TTC7B: variants seen among roughly 807,000 people sequenced by gnomAD.
TTC7B encodes tetratricopeptide repeat domain 7B, also known as tetratricopeptide repeat protein 7B.
A neutral mutation model predicts 106.8 loss-of-function variants in TTC7B; 28 were observed. The ratio of observed to expected loss-of-function variants is 0.26; its 90% CI spans 0.19 to 0.36. The LOEUF is 0.36. Among genes scored for constraint, TTC7B ranks in the 10% least tolerant of loss-of-function variants. TTC7B has a pLI of 1.00. For missense variants in TTC7B, 862 were observed against 1,076.4 expected, an observed-to-expected ratio of 0.80 and a Z score of 2.79; for synonymous variants, 405 against 430.6, an observed-to-expected ratio of 0.94 and a Z score of 0.74.
chr14:90,790,110 A>T (rs899417723), intron 1 of TTC7B, among the ~76,000 whole-genome samples: 7 of 152,104 alleles, frequency 4.6e-5, no homozygotes, highest in East Asian at 1.9e-4. Context: ...ATCACTGTTT[A>T]TAGAAGTCTG....
chr14:90,794,337 C>G (rs1159139143), intron 1 of TTC7B, among the ~76,000 whole-genome samples: 1 of 150,794 alleles, frequency 6.6e-6, no homozygotes, highest in Non-Finnish European at 1.5e-5. Flanking sequence ...AGTGATTCTC[C>G]TACCTCAGCC....
At chr14:90,786,056 G>A in intron 2 of TTC7B, 118 bp downstream of exon 2, 5 of 1,210,552 alleles carry the variant, frequency 4.1e-6, no homozygotes, top group Non-Finnish European at 5.4e-6. Context: ...CTTCTAAGAA[G>A]ACAAGCCCTG....
rs898880300 is a variant in TTC7B at position 90,529,830 on chromosome 14, AG to A, written c.*11537del. On this transcript the variant is annotated 3_prime_UTR_variant, in exon 20 of 20. Coordinates refer to ENST00000328459, the MANE Select transcript of TTC7B (RefSeq NM_001010854.2). ...CACTTAAATCATTGACAATAAAGAA[AG>A]GGTTAAACAGTCTGCAGTGCATCCA... 4 of 152,340 alleles carry A rather than the reference AG, an allele frequency of 2.6e-5. No individual in the cohort carries two copies. The highest frequency in any genetic ancestry group is 9.6e-5 in the African/African-American group (4 of 41,570). 9.4% of individuals were successfully genotyped at this position (152,340 alleles called of 1,614,324 possible).
At chr14:90,811,975 C>A (rs181194606) in intron 1 of TTC7B, among the ~76,000 whole-genome samples, 75 of 152,204 alleles carry the variant, frequency 4.9e-4, no homozygotes, top group Non-Finnish European at 1.3e-4. Flanking sequence ...TGTGTCATTT[C>A]TTGGTCCCCC....
chr14:90,691,089 T>C (rs866964358), intron 6 of TTC7B, among the ~76,000 whole-genome samples: 3 of 152,240 alleles, frequency 2.0e-5, no homozygotes, highest in Admixed American at 6.5e-5. Context: ...TTCATTTTGA[T>C]CTCATTGCAG....
chr14:90,552,774 G>A (rs940548916), intron 19 of TTC7B, among the ~76,000 whole-genome samples: 28 of 152,326 alleles, frequency 1.8e-4, no homozygotes, highest in Non-Finnish European at 3.7e-4. Flanking sequence ...CCCCCAGGCC[G>A]GACACCTTTT....
At chr14:90,702,267 C>T (rs1351512384) in intron 5 of TTC7B, among the ~76,000 whole-genome samples, 3 of 152,180 alleles carry the variant, frequency 2.0e-5, no homozygotes, top group African/African-American at 7.2e-5. Context: ...AAGAATTAAA[C>T]TAGTCAGTAA....
At chr14:90,725,069 TG>T (rs949266856) in intron 5 of TTC7B, among the ~76,000 whole-genome samples, 12 of 152,254 alleles carry the variant, frequency 7.9e-5, no homozygotes, top group African/African-American at 2.9e-4. Flanking sequence ...TACAAAAAAG[TG>T]GTGGTTATTA....
At chr14:90,770,267 T>C (rs1344713209) in intron 3 of TTC7B, among the ~76,000 whole-genome samples, 1 of 152,110 alleles carries the variant, frequency 6.6e-6, no homozygotes, top group African/African-American at 2.4e-5. Flanking sequence ...ACCATCAAAA[T>C]ACATGAAGCA....
intron 17 of TTC7B, among the ~76,000 whole-genome samples, chr14:90,599,679 CA>C (rs1348604123): frequency 6.6e-6 from 1 of 152,246 alleles, no homozygotes; most frequent in Non-Finnish European, 1.5e-5. Context: ...CTGCCCTCCC[CA>C]CATTTTTCTG....
rs1416712646 is a variant in TTC7B at position 90,593,508 on chromosome 14, C to G, written c.2085G>C (p.Leu695=). Residue 695 remains leucine, a synonymous_variant, in exon 18 of 20, where the codon CTG becomes CTC. Coordinates refer to ENST00000328459, the MANE Select transcript of TTC7B (RefSeq NM_001010854.2). ...KQGPLHPWMT[L]AQIWLHAAEV... The stretch of plus-strand genomic sequence containing the variant: ...TACCTGCATGGAGCCAGATCTGTGC[C>G]AGCGTCATCCAGGGGTGCAGCGGGC... The G allele has an allele frequency of 3.1e-6, 5 of 1,607,726 alleles. No homozygotes were observed. In the African/African-American group the frequency reaches 6.7e-5, roughly 22 times the overall value.
At chr14:90,736,800 G>T (rs1889548506) in intron 4 of TTC7B, among the ~76,000 whole-genome samples, 1 of 150,344 alleles carries the variant, frequency 6.7e-6, no homozygotes, top group Non-Finnish European at 1.5e-5. Flanking sequence ...GGAGGGACAG[G>T]AGGATCTCTT....
chr14:90,791,408 C>T (rs1891581905), intron 1 of TTC7B, among the ~76,000 whole-genome samples: 1 of 152,200 alleles, frequency 6.6e-6, no homozygotes, highest in Admixed American at 6.5e-5. Context: ...GGGAAGGCAT[C>T]TGCATCTTCC....
At position 90,539,982 on chromosome 14, in the gene TTC7B, G is replaced by A. The variant is rs1407814308; in HGVS notation, c.*1386C>T. On this transcript the variant is annotated 3_prime_UTR_variant, in exon 20 of 20. Transcript: ENST00000328459. Reference sequence around the variant, plus strand: ...GGCCCATGAGTGCAGGAGGCTGCTTGGGCAGGACTGAATTGCATGCTCCAA... The same window carrying A: ...GGCCCATGAGTGCAGGAGGCTGCTTAGGCAGGACTGAATTGCATGCTCCAA... 6.6e-6 allele frequency: 1 copy of A among 152,302 alleles called. No homozygotes were observed. Among genetic ancestry groups the A allele is most frequent in the African/African-American group, 2.4e-5 (1 of 41,462 alleles). The allele number at this position is 152,302 out of a possible 1,614,324, so 9.4% of individuals were successfully genotyped here.
intron 15 of TTC7B, among the ~76,000 whole-genome samples, chr14:90,632,747 T>C (rs1312134501): frequency 6.6e-6 from 1 of 152,234 alleles, no homozygotes; most frequent in African/African-American, 2.4e-5. Flanking sequence ...AGGTGTATAA[T>C]CTTGGACAAA....
In TTC7B at chr14:90,646,996, G is replaced by A; in HGVS notation, c.1545C>T (p.His515=). Residue 515 remains histidine, a synonymous_variant, in exon 14 of 20, where the codon CAC becomes CAT. Transcript: ENST00000328459. ...QRAHSLSPTD[H]QAAFYLALQL... ...GCAGAGCCAGGTAGAAAGCTGCTTG[G>A]TGATCTGTGGGTGACAGGCTGTGGG... The A allele has an allele frequency of 6.2e-7, 1 of 1,614,202 alleles. No homozygotes were observed.
At position 90,537,009 on chromosome 14, in the gene TTC7B, G is replaced by T. The variant is rs1008936371; in HGVS notation, c.*4359C>A. ...GCAGAGGAAGGAAAGGTGACGTGAG[G>T]TGGCCACGAGCCAAGGCCGCAGGAA... On this transcript the variant is annotated 3_prime_UTR_variant, in exon 20 of 20. Coordinates refer to ENST00000328459, the MANE Select transcript of TTC7B (RefSeq NM_001010854.2). 3.3e-5 allele frequency: 5 copies of T among 152,298 alleles called. No homozygotes were observed. The highest frequency in any genetic ancestry group is 1.2e-4 in the African/African-American group (5 of 41,448). The allele number at this position is 152,298 out of a possible 1,614,324, so 9.4% of individuals were successfully genotyped here.
At chr14:90,793,138 T>C (rs756146731) in intron 1 of TTC7B, among the ~76,000 whole-genome samples, 1 of 152,148 alleles carries the variant, frequency 6.6e-6, no homozygotes, top group Non-Finnish European at 1.5e-5. Flanking sequence ...GTTTGCCGCC[T>C]TCTGAAGAAA....
At chr14:90,687,885 G>A (rs1261953979) in intron 7 of TTC7B, among the ~76,000 whole-genome samples, 2 of 152,212 alleles carry the variant, frequency 1.3e-5, no homozygotes, top group South Asian at 4.1e-4. Context: ...GAACAAGAAG[G>A]TGACAAGAGA....
Sources: allele counts gnomAD v4.1 joint callset (sites outside exome capture counted in the v4.1 genomes callset), GRCh38; gene constraint gnomAD v4.1.1; transcripts MANE v1.5; gene names NCBI Gene and HGNC (gene_info 2026-07-23, HGNC 2026-07-21).